Variants in SRGAP1 observed in about 807,000 individuals in gnomAD.
SRGAP1 encodes SLIT-ROBO Rho GTPase-activating protein 1.
Under a neutral mutation model 121.9 loss-of-function variants are expected in SRGAP1, and 43 were observed. The observed-to-expected ratio is 0.35, with a 90% CI of 0.28 to 0.46. SRGAP1 has a LOEUF of 0.46. Among genes scored for constraint, SRGAP1 ranks in the 20% least tolerant of loss-of-function variants. SRGAP1 has a pLI of 1.00. For missense variants in SRGAP1, 1,102 were observed against 1,350.9 expected, an observed-to-expected ratio of 0.82 and a Z score of 2.89; for synonymous variants, 447 against 485.4, an observed-to-expected ratio of 0.92 and a Z score of 1.04.
At chr12:64,036,425 G>A (rs2034904800) in intron 4 of SRGAP1, among the ~76,000 whole-genome samples, 1 of 152,138 alleles carries the variant, frequency 6.6e-6, no homozygotes, top group Non-Finnish European at 1.5e-5. Flanking sequence ...GTCCTCTTAT[G>A]TATTGATTGT....
At chr12:63,851,946 A>C (rs1368036561) in intron 1 of SRGAP1, among the ~76,000 whole-genome samples, 1 of 152,002 alleles carries the variant, frequency 6.6e-6, no homozygotes, top group Admixed American at 6.6e-5. Context: ...AATGTTAGTC[A>C]TTGTTATCTC....
chr12:64,025,737 A>G (rs2034639721), intron 4 of SRGAP1, among the ~76,000 whole-genome samples: 1 of 152,156 alleles, frequency 6.6e-6, no homozygotes, highest in South Asian at 2.1e-4. Context: ...TTTGATTGCT[A>G]GACACTTCAG....
At chr12:64,036,193 T>G (rs1325101339) in intron 4 of SRGAP1, among the ~76,000 whole-genome samples, 36 of 152,136 alleles carry the variant, frequency 2.4e-4, no homozygotes, top group Admixed American at 2.4e-3. Flanking sequence ...TACCACTGTC[T>G]CAAGCCGCCA....
intron 8 of SRGAP1, among the ~76,000 whole-genome samples, chr12:64,075,517 C>T (rs951652941): frequency 1.3e-5 from 2 of 152,176 alleles, no homozygotes; most frequent in Non-Finnish European, 2.9e-5. Flanking sequence ...GGCTTGTTCC[C>T]AACAGAGTCA....
chr12:64,127,977 C>A lies in SRGAP1; in HGVS notation c.2657C>A (p.Ser886Tyr), dbSNP rs2036723280. The A allele has an allele frequency of 1.9e-6, 3 of 1,614,112 alleles. No homozygotes were observed. Among genetic ancestry groups the A allele is most frequent in the Non-Finnish European group, 2.5e-6 (3 of 1,180,050 alleles). Residue 886 changes from serine to tyrosine, a missense_variant, in exon 21 of 22, where the codon TCC becomes TAC. Physicochemically the swap from Ser to Tyr is moderately radical, Grantham distance 144 (BLOSUM62 -2). Around this residue, in one of 3 missense-constraint regions of SRGAP1, gnomAD observed 315 missense variants for 343.1 expected, o/e 0.92. Coordinates refer to ENST00000355086, the MANE Select transcript of SRGAP1 (RefSeq NM_020762.4). ...TCTAACTCCTCAGTTGACCTAGGGT[C>A]CCCAAGCCTTGCCAGTCACCCCCGG... ...ALSNSSVDLG[S>Y]PSLASHPRGL...
intron 4 of SRGAP1, among the ~76,000 whole-genome samples, chr12:64,036,442 T>C (rs761361995): frequency 2.0e-5 from 3 of 152,176 alleles, no homozygotes; most frequent in Non-Finnish European, 2.9e-5. Flanking sequence ...TTGTAGAAAA[T>C]AGATCTTTAT....
chr12:64,051,869 T>C (rs919325054), intron 6 of SRGAP1, among the ~76,000 whole-genome samples: 4 of 152,176 alleles, frequency 2.6e-5, no homozygotes, highest in Non-Finnish European at 5.9e-5. Context: ...TTTGGAGGTC[T>C]ACTGAAATGT....
At position 64,160,387 on chromosome 12, in the gene SRGAP1, C is replaced by G. The variant is rs2037200539; in HGVS notation, c.*17715C>G. 1.3e-5 allele frequency: 2 copies of G among 152,156 alleles called. No homozygotes were observed. Among genetic ancestry groups the G allele is most frequent in the African/African-American group, 4.8e-5 (2 of 41,434 alleles). The allele number at this position is 152,156 out of a possible 1,614,324, so 9.4% of individuals were successfully genotyped here. ...GTGATAGTCTGGCTGAGTATAAAATCTTACTTAGGATGTTAACTTAAAATC... is the reference window on the plus strand; with the variant it reads ...GTGATAGTCTGGCTGAGTATAAAATGTTACTTAGGATGTTAACTTAAAATC... On this transcript the variant is annotated 3_prime_UTR_variant, in exon 22 of 22. Transcript: ENST00000355086.
At chr12:63,949,170 ATTTTTTCCATATATAT>A (rs1440795121) in intron 1 of SRGAP1, among the ~76,000 whole-genome samples, 1 of 108,500 alleles carries the variant, frequency 9.2e-6, no homozygotes, top group Non-Finnish European at 1.9e-5. Context: ...CCATATATAT[ATTTTTTCCATATATAT>A]TTTTTTTTCC....
chr12:64,111,525 ATAT>A (rs1402482153), intron 16 of SRGAP1, among the ~76,000 whole-genome samples: 1 of 152,128 alleles, frequency 6.6e-6, no homozygotes. Context: ...AGTGAATATT[ATAT>A]TAAACCCCCT....
At chr12:64,105,080 C>G (rs2036322891) in intron 15 of SRGAP1, among the ~76,000 whole-genome samples, 1 of 152,108 alleles carries the variant, frequency 6.6e-6, no homozygotes. Flanking sequence ...ACCTCCGCCC[C>G]AGGCCCTGGC....
At chr12:64,015,691 A>T (rs1214814556) in intron 3 of SRGAP1, among the ~76,000 whole-genome samples, 2 of 152,092 alleles carry the variant, frequency 1.3e-5, no homozygotes, top group African/African-American at 4.8e-5. Context: ...CCCTCTTTAA[A>T]TTCTGCATTC....
At chr12:63,891,109 C>T (rs61937064) in intron 1 of SRGAP1, among the ~76,000 whole-genome samples, 7,301 of 152,280 alleles carry the variant, frequency 0.048, 271 homozygotes, top group Middle Eastern at 0.14. Flanking sequence ...TCTCTTGTTC[C>T]TTGCAACTCC....
chr12:64,129,973 G>A (rs540018061), intron 21 of SRGAP1, among the ~76,000 whole-genome samples: 177 of 150,270 alleles, frequency 1.2e-3, no homozygotes, highest in African/African-American at 4.1e-3. Flanking sequence ...TCAGCAGGTC[G>A]TGGTTGTTGT....
chr12:63,946,992 G>A (rs920393211), intron 1 of SRGAP1, among the ~76,000 whole-genome samples: 12 of 151,460 alleles, frequency 7.9e-5, no homozygotes, highest in African/African-American at 7.3e-5. Flanking sequence ...TATTGTTAAC[G>A]CATATTCCAT....
At chr12:63,948,878 TTTTCCATATATATATATTCCATATATATA>T in intron 1 of SRGAP1, among the ~76,000 whole-genome samples, 1 of 113,734 alleles carries the variant, frequency 8.8e-6, no homozygotes, top group African/African-American at 3.1e-5. Flanking sequence ...CATATATATA[TTTTCCATATATATATATTCCATATATATA>T]TTTTCCATAT....
intron 15 of SRGAP1, among the ~76,000 whole-genome samples, chr12:64,107,406 C>CT (rs1261462905): frequency 6.6e-6 from 1 of 152,114 alleles, no homozygotes; most frequent in East Asian, 1.9e-4. Context: ...GAAAGGGAAA[C>CT]TGAGTTAGGA....
At chr12:63,993,169 T>C (rs2033601725) in intron 3 of SRGAP1, among the ~76,000 whole-genome samples, 1 of 152,072 alleles carries the variant, frequency 6.6e-6, no homozygotes, top group South Asian at 2.1e-4. Flanking sequence ...GTCCAAAGAA[T>C]TCCAGGTCCC....
chr12:64,055,011 G>A (rs2035313050), intron 6 of SRGAP1, among the ~76,000 whole-genome samples: 1 of 151,122 alleles, frequency 6.6e-6, no homozygotes, highest in South Asian at 2.1e-4. Context: ...AGGGCAATTA[G>A]GCAGGAGAAG....
Sources: gnomAD v4.1 joint callset for allele counts (sites outside exome capture counted in the v4.1 genomes callset) on GRCh38, gnomAD v4.1.1 for gene constraint, gnomAD v4.1.1 regional missense constraint, MANE v1.5 for transcripts, NCBI Gene and HGNC (gene_info 2026-07-23, HGNC 2026-07-21) for gene names.